RTKN2: variants seen among roughly 807,000 people sequenced by gnomAD.
RTKN2 encodes rhotekin 2.
RTKN2 carries 69 observed loss-of-function variants against 71.5 expected under a neutral mutation model. The observed-to-expected ratio is 0.96, with a 90% CI of 0.79 to 1.18. The LOEUF (loss-of-function observed/expected upper bound fraction) is 1.18. Ranked by LOEUF, RTKN2 falls within the 50% of genes most tolerant of loss-of-function variation. The pLI is 0.00. For synonymous variants in RTKN2, 236 were observed against 236.5 expected (o/e 1.00, Z 0.02); for missense variants, 724 against 719.7 (o/e 1.01, Z -0.07).
At chr10:62,259,767 A>T (rs1368074804) in intron 2 of RTKN2, among the ~76,000 whole-genome samples, 1 of 152,044 alleles carries the variant, frequency 6.6e-6, no homozygotes, top group Non-Finnish European at 1.5e-5. Context: ...GCCTAAGCTG[A>T]TCTCGAACTC....
chr10:62,189,631 G>T (rs564263058), downstream of RTKN2, among the ~76,000 whole-genome samples: 204 of 152,260 alleles, frequency 1.3e-3, 1 homozygote, highest in South Asian at 0.014. Flanking sequence ...TTCAAGACCA[G>T]CCTGGCTAAC....
At chr10:62,215,860 C>T (rs1157718567) in intron 9 of RTKN2, among the ~76,000 whole-genome samples, 1 of 151,472 alleles carries the variant, frequency 6.6e-6, no homozygotes, top group Non-Finnish European at 1.5e-5. Flanking sequence ...AAAAAGTTGG[C>T]AAGTAATGAA....
rs148767717 is a variant in RTKN2, at chr10:62,262,679, T to C, written c.203A>G (p.Tyr68Cys). The C allele has an allele frequency of 4.2e-5, 67 of 1,613,482 alleles. No individual in the cohort carries two copies. The East Asian group carries it at 1.4e-3, about 35-fold the overall frequency. The change falls in exon 2 of 12, where the codon TAT becomes TGT. Residue 68 changes from tyrosine (Y) to cysteine (C), a missense_variant. Tyr to Cys is a radical substitution (Grantham distance 194, BLOSUM62 -2). Transcript: ENST00000373789. ...LMVCNARLMA[Y>C]TSELQKLEEQ... ...TTCTAATTTCTGTAGCTCCGATGTA[T>C]AGGCCATTAGTCGAGCATTGCACAC...
At chr10:62,191,329 G>A (rs1841220030), downstream of RTKN2, among the ~76,000 whole-genome samples, 1 of 152,024 alleles carries the variant, frequency 6.6e-6, no homozygotes, top group Non-Finnish European at 1.5e-5. Flanking sequence ...ATTTTTTGTA[G>A]AGACAAGGTT....
chr10:62,220,109 T>TG (rs1349198387), intron 7 of RTKN2, among the ~76,000 whole-genome samples: 2 of 121,680 alleles, frequency 1.6e-5, no homozygotes, highest in Non-Finnish European at 3.8e-5. Context: ...TACCCCAGAA[T>TG]TTTTTTTGTA....
Position 62,218,187 on chromosome 10 carries a change from C to A in RTKN2, c.888+8G>T. ...ACAATTGTTGTAGGATATTTAAAGTCCTCTAACCTGCTGATTAAGAAATCC... is the reference window on the plus strand; with the variant it reads ...ACAATTGTTGTAGGATATTTAAAGTACTCTAACCTGCTGATTAAGAAATCC... On this transcript the variant is annotated splice_region_variant and intron_variant, in intron 8 of 11. Transcript: ENST00000373789. The A allele has an allele frequency of 6.3e-7, 1 of 1,578,978 alleles. No homozygotes were observed. The highest frequency in any genetic ancestry group is 1.1e-5 in the South Asian group (1 of 89,640).
chr10:62,185,794 T>G (rs920406133), intron 8 of RTKN2, among the ~76,000 whole-genome samples: 2 of 152,164 alleles, frequency 1.3e-5, no homozygotes, highest in African/African-American at 2.4e-5. Flanking sequence ...CCACCCCAAT[T>G]TGGGGAGTCT....
At chr10:62,254,934 A>G (rs1016532822) in intron 2 of RTKN2, among the ~76,000 whole-genome samples, 1 of 152,126 alleles carries the variant, frequency 6.6e-6, no homozygotes, top group African/African-American at 2.4e-5. Flanking sequence ...GTGTCACTGC[A>G]CTCTAGCCTG....
chr10:62,184,161 T>G, exon 9 of RTKN2: 1 of 520,430 alleles, frequency 1.9e-6, no homozygotes, highest in East Asian at 3.2e-5. Context: ...CTCTTAAATA[T>G]TCTTCTAAGG....
At position 62,198,030 on chromosome 10, in the gene RTKN2, A is replaced by G. The variant is rs763040417; in HGVS notation, c.1708T>C (p.Leu570=). The G allele has an allele frequency of 2.5e-6, 4 of 1,613,884 alleles. No homozygotes were observed. The South Asian group carries it at 4.4e-5, about 18-fold the overall frequency. The change falls in exon 12 of 12, where the codon TTA becomes CTA. Residue 570 remains leucine (L), a synonymous_variant. Coordinates refer to ENST00000373789, the MANE Select transcript of RTKN2 (RefSeq NM_145307.4). The part of the protein sequence containing the change: ...RKLLPARRNR[L]SDGEHTDTKT... ...GTGTCTGTGTGCTCACCATCACTTAATCTATTTCTCCTGGCAGGCAGAAGT... is the reference window on the plus strand; with the variant it reads ...GTGTCTGTGTGCTCACCATCACTTAGTCTATTTCTCCTGGCAGGCAGAAGT...
chr10:62,264,217 C>T (rs529129198), intron 1 of RTKN2, among the ~76,000 whole-genome samples: 18 of 152,214 alleles, frequency 1.2e-4, no homozygotes, highest in African/African-American at 4.3e-4. Context: ...TTGAAGACTA[C>T]CCCAAAAGAC....
Position 62,217,228 on chromosome 10 carries a change from T to G in RTKN2, c.910A>C (p.Ser304Arg). Residue 304 changes from serine to arginine, a missense_variant, in exon 9 of 12, where the codon AGT becomes CGT. By Grantham distance (110) the Ser-to-Arg change is moderately radical (BLOSUM62 -1). Transcript: ENST00000373789. ...NQQQMVEGLI[S>R]WRRLYCVLRG... The stretch of plus-strand genomic sequence containing the variant: ...AAAACACAATACAACCTTCTCCAAC[T>G]AATCAGACCTTCTACCATTTGCTGA... 1 of 1,559,892 alleles carries G rather than the reference T, an allele frequency of 6.4e-7. No homozygotes were observed. The highest frequency in any genetic ancestry group is 8.7e-7 in the Non-Finnish European group (1 of 1,154,612).
At chr10:62,267,576 A>G (rs1267777494) in intron 1 of RTKN2, among the ~76,000 whole-genome samples, 1 of 152,256 alleles carries the variant, frequency 6.6e-6, no homozygotes, top group Non-Finnish European at 1.5e-5. Flanking sequence ...CTTCTTTTGC[A>G]TAATGAATCT....
intron 2 of RTKN2, chr10:62,259,168 CT>C: frequency 6.6e-6 from 3 of 453,066 alleles, no homozygotes; most frequent in Non-Finnish European, 1.3e-5. Context: ...CACATGATCT[CT>C]TGCCTGCTGA....
chr10:62,222,107 C>T (rs1421450491), intron 7 of RTKN2, among the ~76,000 whole-genome samples: 6 of 152,068 alleles, frequency 3.9e-5, no homozygotes, highest in Admixed American at 3.9e-4. Flanking sequence ...CGTTCTATTT[C>T]TTGACATGTT....
chr10:62,203,771 A>G (rs1564500824), intron 10 of RTKN2, among the ~76,000 whole-genome samples: 1 of 152,260 alleles, frequency 6.6e-6, no homozygotes, highest in Non-Finnish European at 1.5e-5. Context: ...AAGGCCATGG[A>G]GGGAACCCTC....
At chr10:62,234,483 C>T (rs1185273650) in intron 6 of RTKN2, among the ~76,000 whole-genome samples, 1 of 136,894 alleles carries the variant, frequency 7.3e-6, no homozygotes, top group Non-Finnish European at 1.5e-5. Flanking sequence ...GCAACAGATC[C>T]AGACTTGTCT....
At chr10:62,226,275 C>G (rs562843499) in intron 6 of RTKN2, among the ~76,000 whole-genome samples, 13 of 152,260 alleles carry the variant, frequency 8.5e-5, no homozygotes, top group Non-Finnish European at 1.8e-4. Context: ...CATAAACCTC[C>G]TTTGTTTCTT....
At position 62,193,462 on chromosome 10, in the gene RTKN2, T is replaced by C; in HGVS notation, c.*4446A>G. Reference sequence around the variant, plus strand: ...AAATTTCTGTAACTTTTTTTGTTGTTAATTGAATGTAAAGGTAGTTTGTTT... The same window carrying C: ...AAATTTCTGTAACTTTTTTTGTTGTCAATTGAATGTAAAGGTAGTTTGTTT... On this transcript the variant is annotated 3_prime_UTR_variant, in exon 12 of 12. Transcript: ENST00000373789. 1.0e-6 allele frequency: 1 copy of C among 982,440 alleles called. No homozygotes were observed. The highest frequency in any genetic ancestry group is 4.7e-5 in the South Asian group (1 of 21,242). The allele number at this position is 982,440 out of a possible 1,614,324, so 60.9% of individuals were successfully genotyped here. A position where few individuals can be genotyped will look rare whatever the true frequency, so the allele number is the denominator to read the frequency against.
Sources: gnomAD v4.1 joint callset for allele counts (sites outside exome capture counted in the v4.1 genomes callset) on GRCh38, gnomAD v4.1.1 for gene constraint, MANE v1.5 for transcripts, NCBI Gene and HGNC (gene_info 2026-07-23, HGNC 2026-07-21) for gene names.